The following OAS2 variants were observed in gnomAD, a reference collection of about 807,000 sequenced individuals.
The protein encoded by OAS2 is 2'-5'-oligoadenylate synthetase 2, also known as 2'-5'-oligoadenylate synthase 2.
In OAS2, 67 loss-of-function variants were observed where a neutral mutation model predicts 71.3. That is an observed-to-expected ratio of 0.94 (90% CI 0.77 to 1.15). The LOEUF (loss-of-function observed/expected upper bound fraction) is 1.15. Among genes scored for constraint, OAS2 ranks in the 50% most tolerant of loss-of-function variants. The pLI is 0.00. For synonymous variants in OAS2, 327 were observed against 321.8 expected (o/e 1.02, Z -0.17); for missense variants, 789 against 822.5 (o/e 0.96, Z 0.50).
intron 5 of OAS2, among the ~76,000 whole-genome samples, chr12:113,000,725 TCA>T (rs1254164512): frequency 6.6e-6 from 1 of 151,124 alleles, no homozygotes; most frequent in South Asian, 2.1e-4. Flanking sequence ...ACACATGCAC[TCA>T]CACACATGCA....
Position 113,007,738 on chromosome 12 carries a change from C to T in OAS2, c.1690C>T (p.Pro564Ser), listed in dbSNP as rs149726948. 7 of 1,613,894 alleles carry T rather than the reference C, an allele frequency of 4.3e-6. No individual in the cohort carries two copies. The highest frequency in any genetic ancestry group is 5.9e-6 in the Non-Finnish European group (7 of 1,179,958). Residue 564 changes from proline to serine, a missense_variant, in exon 9 of 10, where the codon CCC becomes TCC. Physicochemically the swap from Pro to Ser is moderately conservative, Grantham distance 74 (BLOSUM62 -1). Transcript: ENST00000392583. ...GAAACTGAAGCCAAAGGGGTCTTTG[C>T]CCCCAAAGTATGCCTTGGAGCTGCT... ...ERKLKPKGSL[P>S]PKYALELLTI...
At chr12:112,995,603 C>A in intron 3 of OAS2, 129 bp downstream of exon 3, 2 of 864,888 alleles carry the variant, frequency 2.3e-6, no homozygotes, top group East Asian at 2.6e-5. Context: ...CCAGCAACAC[C>A]CAAATCAACA....
In OAS2 at chr12:113,007,791, T is replaced by C; in HGVS notation, c.1743T>C (p.Ser581=). ...CCATCTATGCCTGGGAGCAGGGGAG[T>C]GGAGTGCCGGATTTTGACACTGCAG... ...LLTIYAWEQG[S]GVPDFDTAEG... is the part of the protein sequence containing the mutation. The change falls in exon 9 of 10, where the codon AGT becomes AGC. Residue 581 remains serine, a synonymous_variant. Transcript: ENST00000392583. 1.2e-6 allele frequency: 2 copies of C among 1,613,918 alleles called. No homozygotes were observed. The highest frequency in any genetic ancestry group is 1.7e-6 in the Non-Finnish European group (2 of 1,179,948).
chr12:113,008,000 A>G, intron 9 of OAS2, 57 bp downstream of exon 9: 1 of 1,262,942 alleles, frequency 7.9e-7, no homozygotes, highest in Non-Finnish European at 1.2e-6. Flanking sequence ...ACACTGTCTC[A>G]GCAACCTGGA....
chr12:113,003,230 G>A (rs1317423345), intron 6 of OAS2, 128 bp downstream of exon 6: 1 of 957,392 alleles, frequency 1.0e-6, no homozygotes, highest in Non-Finnish European at 1.6e-6. Flanking sequence ...AGGGAAGCCA[G>A]GAGTTAAGGG....
Position 112,988,211 on chromosome 12 carries a change from TG to T in OAS2, c.448+905del, listed in dbSNP as rs1342083715. 1.7e-5 allele frequency: 17 copies of T among 985,458 alleles called. No individual in the cohort carries two copies. The East Asian group carries it at 1.9e-3, about 112-fold the overall frequency. The allele number at this position is 985,458 out of a possible 1,614,324, so 61.0% of individuals were successfully genotyped here. A position where few individuals can be genotyped will look rare whatever the true frequency, so the allele number is the denominator to read the frequency against. On this transcript the variant is annotated intron_variant, in intron 2 of 9. Coordinates refer to ENST00000392583, the MANE Select transcript of OAS2 (RefSeq NM_002535.3). The stretch of plus-strand genomic sequence containing the variant: ...GAGCAGGTTTAGGTTGAAGGATTAA[TG>T]GTCATCAATACCACTGTTAAGAAGA...
intron 6 of OAS2, 150 bp from the exon 7 acceptor site, chr12:113,004,784 C>A: frequency 1.5e-6 from 1 of 660,292 alleles, no homozygotes; most frequent in Non-Finnish European, 2.6e-6. Flanking sequence ...TAAAAGAAAA[C>A]CCTTTGCTTT....
rs2044320702 is a variant in OAS2, at chr12:113,005,184, GT to G, written c.1431del (p.Ser477ArgfsTer16). ...FSLKSKVLNESVSFDVLPAFN... is the reference protein window; with the variant it reads ...FSLKSKVLNEXVSFDVLPAFN... ...CTGAAATCCAAAGTCCTCAACGAAA[GT>G]GTCAGCTTTGATGTGCTTCCTGCCT... is the stretch of plus-strand genomic sequence containing the variant. On this transcript the variant is annotated frameshift_variant, in exon 7 of 10. Transcript: ENST00000392583. LOFTEE classifies it high-confidence loss of function. 6.2e-7 allele frequency: 1 copy of G among 1,613,966 alleles called. No homozygotes were observed. Among genetic ancestry groups the G allele is most frequent in the African/African-American group, 1.3e-5 (1 of 74,888 alleles).
In OAS2 at chr12:113,010,294, C is replaced by A; in HGVS notation, c.*1039C>A. On this transcript the variant is annotated 3_prime_UTR_variant, in exon 10 of 10. Transcript: ENST00000392583. Reference sequence around the variant, plus strand: ...GTTACCTTCCCAGATACAGGTCCCCCCTTTTTTCCCCTAACTCTTTTAAGC... The same window carrying A: ...GTTACCTTCCCAGATACAGGTCCCCACTTTTTTCCCCTAACTCTTTTAAGC... The A allele has an allele frequency of 1.3e-6, 2 of 1,511,656 alleles. No individual in the cohort carries two copies. Among genetic ancestry groups the A allele is most frequent in the Non-Finnish European group, 1.8e-6 (2 of 1,133,914 alleles). 93.6% of individuals were successfully genotyped at this position (1,511,656 alleles called of 1,614,324 possible). A position where few individuals can be genotyped will look rare whatever the true frequency, so the allele number is the denominator to read the frequency against.
At chr12:113,003,247 G>A (rs983617843) in intron 6 of OAS2, 145 bp downstream of exon 6, 7 of 814,792 alleles carry the variant, frequency 8.6e-6, no homozygotes, top group East Asian at 7.4e-5. Flanking sequence ...AGGGAACTAG[G>A]ACACTAGTTT....
intron 1 of OAS2, among the ~76,000 whole-genome samples, chr12:112,979,462 A>G (rs2044059176): frequency 6.6e-6 from 1 of 152,190 alleles, no homozygotes; most frequent in African/African-American, 2.4e-5. Flanking sequence ...TAGTGCCTCA[A>G]TAAAGAAATC....
At chr12:112,996,476 A>G (rs2044233228) in intron 3 of OAS2, among the ~76,000 whole-genome samples, 1 of 152,074 alleles carries the variant, frequency 6.6e-6, no homozygotes, top group Admixed American at 6.6e-5. Flanking sequence ...TTATACTCCC[A>G]TCAGCAAGAT....
At chr12:112,997,412 A>G in intron 3 of OAS2, 108 bp from the exon 4 acceptor site, 1 of 852,702 alleles carries the variant, frequency 1.2e-6, no homozygotes, top group Non-Finnish European at 1.8e-6. Context: ...TAGGCATTCT[A>G]GCAAAGGACA....
intron 1 of OAS2, among the ~76,000 whole-genome samples, chr12:112,985,292 T>G (rs886126162): frequency 1.4e-4 from 22 of 152,336 alleles, no homozygotes; most frequent in African/African-American, 5.1e-4. Context: ...TTTAAATATT[T>G]GGTTACTTTA....
At chr12:112,986,958 T>G in intron 1 of OAS2, 80 bp from the exon 2 acceptor site, 3 of 1,521,602 alleles carry the variant, frequency 2.0e-6, no homozygotes, top group Non-Finnish European at 2.6e-6. Flanking sequence ...TTTACTTGAG[T>G]TGAGAAATAC....
rs980205544 is a variant in OAS2 at position 113,009,417 on chromosome 12, G to A, written c.*162G>A. 1 of 1,459,684 alleles carries A rather than the reference G, an allele frequency of 6.9e-7. No individual in the cohort carries two copies. Among genetic ancestry groups the A allele is most frequent in the African/African-American group, 1.4e-5 (1 of 70,288 alleles). 90.4% of individuals were successfully genotyped at this position (1,459,684 alleles called of 1,614,324 possible). The stretch of plus-strand genomic sequence containing the variant: ...AAGCCCCCACTACAAGTGATCCTCA[G>A]GCAGGTAACCCCAGATTCATGCACT... On this transcript the variant is annotated 3_prime_UTR_variant, in exon 10 of 10. Coordinates refer to ENST00000392583, the MANE Select transcript of OAS2 (RefSeq NM_002535.3).
chr12:112,984,298 C>CT (rs1263551055), intron 1 of OAS2, among the ~76,000 whole-genome samples: 2 of 152,206 alleles, frequency 1.3e-5, no homozygotes, highest in East Asian at 3.9e-4. Context: ...CTGAATTGAT[C>CT]TCTTGATCAT....
At chr12:112,979,092 A>G (rs2044055406) in intron 1 of OAS2, among the ~76,000 whole-genome samples, 1 of 152,234 alleles carries the variant, frequency 6.6e-6, no homozygotes, top group Non-Finnish European at 1.5e-5. Context: ...TGCTCAGTGA[A>G]TTCACTGTGA....
chr12:113,001,229 A>G (rs2044284119), intron 5 of OAS2, among the ~76,000 whole-genome samples: 1 of 151,940 alleles, frequency 6.6e-6, no homozygotes, highest in Admixed American at 6.6e-5. Context: ...TGGGAGGCTG[A>G]GGCAGGACGA....
Sources: allele counts gnomAD v4.1 joint callset (sites outside exome capture counted in the v4.1 genomes callset), GRCh38; gene constraint gnomAD v4.1.1; transcripts MANE v1.5; gene names NCBI Gene and HGNC (gene_info 2026-07-23, HGNC 2026-07-21).